Variants in PPARGC1A observed in about 807,000 individuals in gnomAD.
PPARGC1A encodes peroxisome proliferator-activated receptor gamma coactivator 1-alpha.
A neutral mutation model predicts 88.7 loss-of-function variants in PPARGC1A; 25 were observed. That is an observed-to-expected ratio of 0.28 (90% CI 0.21 to 0.39). The LOEUF is 0.39. Among genes scored for constraint, PPARGC1A ranks in the 10% least tolerant of loss-of-function variants. The pLI is 1.00. For missense variants in PPARGC1A, 880 were observed against 968.7 expected (o/e 0.91, Z 1.22); for synonymous variants, 363 against 355.6 (o/e 1.02, Z -0.24).
At chr4:24,144,145 T>C in the PPARGC1A span, among the ~76,000 whole-genome samples, 1 of 152,166 alleles carries the variant, frequency 6.6e-6, no homozygotes, top group African/African-American at 2.4e-5. Context: ...ACAATTGCAA[T>C]ATAGAGAGCA....
At chr4:23,918,741 GCTGA>G in the PPARGC1A span, among the ~76,000 whole-genome samples, 7 of 152,210 alleles carry the variant, frequency 4.6e-5, no homozygotes, top group African/African-American at 9.6e-5. Flanking sequence ...ACTATTTCAT[GCTGA>G]CTATCAGAAA....
chr4:23,897,108 T>C (rs1247077063), intron 1 of PPARGC1A, among the ~76,000 whole-genome samples: 3 of 152,246 alleles, frequency 2.0e-5, no homozygotes, highest in Non-Finnish European at 2.9e-5. Flanking sequence ...ACTATATTCA[T>C]AGGAATGAAA....
the PPARGC1A span, among the ~76,000 whole-genome samples, chr4:24,014,217 C>A: frequency 6.6e-6 from 1 of 152,116 alleles, no homozygotes; most frequent in East Asian, 1.9e-4. Flanking sequence ...GTTGCAAAAG[C>A]CCCAGCTGAA....
At chr4:24,005,756 G>A in the PPARGC1A span, among the ~76,000 whole-genome samples, 158 of 152,190 alleles carry the variant, frequency 1.0e-3, no homozygotes, top group African/African-American at 3.3e-3. Flanking sequence ...CATAGTGACC[G>A]GCTCTGAACA....
At chr4:24,367,541 A>C in the PPARGC1A span, among the ~76,000 whole-genome samples, 2 of 152,228 alleles carry the variant, frequency 1.3e-5, no homozygotes, top group Non-Finnish European at 2.9e-5. Flanking sequence ...ATTATGAAAA[A>C]TGAAAGTCAT....
chr4:23,880,082 C>A (rs914845676), intron 2 of PPARGC1A: 1 of 152,098 alleles, frequency 6.6e-6, no homozygotes, highest in Non-Finnish European at 1.5e-5. Flanking sequence ...TATGCATACA[C>A]GAGCTCGCAA....
At chr4:24,194,664 ACACACCC>A in the PPARGC1A span, among the ~76,000 whole-genome samples, 5 of 103,210 alleles carry the variant, frequency 4.8e-5, no homozygotes, top group Non-Finnish European at 9.3e-5. Context: ...ACACACACAC[ACACACCC>A]CCATCAAGAA....
chr4:23,830,884 A>T (rs867554727), intron 3 of PPARGC1A, among the ~76,000 whole-genome samples: 1 of 152,184 alleles, frequency 6.6e-6, no homozygotes, highest in Non-Finnish European at 1.5e-5. Flanking sequence ...AATTTAAGTA[A>T]CTTGGGTGGC....
At chr4:24,447,585 T>C in the PPARGC1A span, among the ~76,000 whole-genome samples, 1 of 152,202 alleles carries the variant, frequency 6.6e-6, no homozygotes, top group East Asian at 1.9e-4. Flanking sequence ...TTTCTCACCT[T>C]GGAGTCCATG....
intron 12 of PPARGC1A, among the ~76,000 whole-genome samples, chr4:23,796,217 G>A (rs564163659): frequency 8.9e-4 from 135 of 152,112 alleles, no homozygotes; most frequent in Admixed American, 1.4e-3. Flanking sequence ...CCCCCGACAC[G>A]TCAAATGACT....
upstream of PPARGC1A, among the ~76,000 whole-genome samples, chr4:23,891,760 T>A (rs1455212098): frequency 3.3e-5 from 5 of 152,128 alleles, 1 homozygote; most frequent in African/African-American, 4.8e-5. Flanking sequence ...CAGCAGAAAA[T>A]TACTGTAGTT....
At chr4:24,362,298 G>A in the PPARGC1A span, among the ~76,000 whole-genome samples, 1 of 151,906 alleles carries the variant, frequency 6.6e-6, no homozygotes, top group African/African-American at 2.4e-5. Context: ...TTCCAGTATT[G>A]AGCACAATTT....
the PPARGC1A span, among the ~76,000 whole-genome samples, chr4:24,208,682 A>AATAT: frequency 7.4e-6 from 1 of 134,998 alleles, no homozygotes. Flanking sequence ...TCAGAAAAAA[A>AATAT]ATATATATAT....
At chr4:24,006,335 C>T in the PPARGC1A span, among the ~76,000 whole-genome samples, 3 of 152,190 alleles carry the variant, frequency 2.0e-5, no homozygotes, top group African/African-American at 7.2e-5. Context: ...TGGCATGAGG[C>T]ACTGTGCCCG....
At chr4:24,158,231 A>AG in the PPARGC1A span, among the ~76,000 whole-genome samples, 4 of 152,054 alleles carry the variant, frequency 2.6e-5, no homozygotes, top group African/African-American at 4.8e-5. Context: ...CCCAGGGCAA[A>AG]TTCCCTGCTG....
At chr4:23,917,844 C>G in the PPARGC1A span, among the ~76,000 whole-genome samples, 2 of 152,284 alleles carry the variant, frequency 1.3e-5, no homozygotes, top group Admixed American at 1.3e-4. Flanking sequence ...GTAAGATATC[C>G]AAATGCATGA....
chr4:24,245,901 C>T, the PPARGC1A span, among the ~76,000 whole-genome samples: 1 of 150,066 alleles, frequency 6.7e-6, no homozygotes, highest in Admixed American at 6.7e-5. Context: ...GGTTTGTTTG[C>T]TGATATGTAC....
chr4:24,225,841 T>C, the PPARGC1A span, among the ~76,000 whole-genome samples: 1 of 152,140 alleles, frequency 6.6e-6, no homozygotes, highest in African/African-American at 2.4e-5. Flanking sequence ...GTTGTCCTGT[T>C]GACTGGAGCT....
At chr4:23,858,228 A>C (rs192467598) in intron 2 of PPARGC1A, among the ~76,000 whole-genome samples, 2 of 152,144 alleles carry the variant, frequency 1.3e-5, no homozygotes, top group Admixed American at 1.3e-4. Context: ...TTTTCAATGC[A>C]TTGTCTCATT....
Sources: allele counts gnomAD v4.1 joint callset (sites outside exome capture counted in the v4.1 genomes callset), GRCh38; gene constraint gnomAD v4.1.1; transcripts MANE v1.5; gene names NCBI Gene and HGNC (gene_info 2026-07-23, HGNC 2026-07-21).